Variants in ANGPT1 observed in about 807,000 individuals in gnomAD.
The protein encoded by ANGPT1 is angiopoietin-1.
Under a neutral mutation model 62.2 loss-of-function variants are expected in ANGPT1, and 17 were observed. That is an observed-to-expected ratio of 0.27 (90% CI 0.19 to 0.41). The LOEUF is 0.41. Among genes scored for constraint, ANGPT1 ranks in the 10% least tolerant of loss-of-function variants. The probability of loss-of-function intolerance (pLI) is 1.00; values close to 1 mark genes in which losing one functional copy is unlikely to be tolerated. For synonymous variants in ANGPT1, 199 were observed against 198.9 expected (o/e 1.00, Z 0.00); for missense variants, 478 against 594.9 (o/e 0.80, Z 2.04).
chr8:107,452,553 C>T (rs72674327), intron 1 of ANGPT1, among the ~76,000 whole-genome samples: 1 of 151,360 alleles, frequency 6.6e-6, no homozygotes, highest in African/African-American at 2.4e-5. Context: ...TTTATTGTTA[C>T]ATTAATCAAT....
At chr8:107,267,693 T>A (rs907345566) in intron 7 of ANGPT1, among the ~76,000 whole-genome samples, 2 of 152,106 alleles carry the variant, frequency 1.3e-5, no homozygotes, top group African/African-American at 4.8e-5. Context: ...CGGTTGTTCC[T>A]CCAAAATTCA....
intron 1 of ANGPT1, among the ~76,000 whole-genome samples, chr8:107,373,002 A>G (rs1054092311): frequency 2.6e-5 from 4 of 152,106 alleles, no homozygotes; most frequent in Admixed American, 2.6e-4. Flanking sequence ...TTAAAATGTG[A>G]TTTACCTTAT....
chr8:107,267,752 T>C (rs1207534222), intron 7 of ANGPT1, among the ~76,000 whole-genome samples: 2 of 152,142 alleles, frequency 1.3e-5, no homozygotes, highest in East Asian at 3.9e-4. Flanking sequence ...CTTTGAAGTC[T>C]AGTCCTTTAC....
At chr8:107,276,627 T>G (rs1244130759) in intron 7 of ANGPT1, among the ~76,000 whole-genome samples, 1 of 21,746 alleles carries the variant, frequency 4.6e-5, no homozygotes, top group African/African-American at 2.1e-4. Context: ...CTTTAATGAT[T>G]TAAAAAAAAA....
intron 2 of ANGPT1, among the ~76,000 whole-genome samples, chr8:107,340,596 G>C (rs1815673066): frequency 1.3e-5 from 2 of 151,840 alleles, no homozygotes; most frequent in South Asian, 4.1e-4. Context: ...CTGGAATGCA[G>C]TGGCATGACC....
At chr8:107,309,978 C>A (rs1453686116) in intron 4 of ANGPT1, among the ~76,000 whole-genome samples, 1 of 152,010 alleles carries the variant, frequency 6.6e-6, no homozygotes, top group Non-Finnish European at 1.5e-5. Context: ...GTCCCTCTAA[C>A]CCTGGAATAA....
At chr8:107,400,724 T>C (rs948449860) in intron 1 of ANGPT1, among the ~76,000 whole-genome samples, 3 of 152,026 alleles carry the variant, frequency 2.0e-5, no homozygotes, top group Non-Finnish European at 4.4e-5. Context: ...TACACCTGGC[T>C]AATTTCTGTA....
At chr8:107,375,129 C>T (rs1464893425) in intron 1 of ANGPT1, among the ~76,000 whole-genome samples, 3 of 151,696 alleles carry the variant, frequency 2.0e-5, no homozygotes, top group Non-Finnish European at 4.4e-5. Context: ...CACTGCACTC[C>T]AGCCTGGTGA....
intron 1 of ANGPT1, among the ~76,000 whole-genome samples, chr8:107,472,547 T>A (rs1312519775): frequency 6.6e-6 from 1 of 152,014 alleles, no homozygotes; most frequent in Non-Finnish European, 1.5e-5. Flanking sequence ...GAAAAATATT[T>A]AAAAATAAGA....
intron 2 of ANGPT1, among the ~76,000 whole-genome samples, chr8:107,345,653 A>C (rs942508026): frequency 6.6e-6 from 1 of 152,162 alleles, no homozygotes; most frequent in African/African-American, 2.4e-5. Context: ...TGTTCTAATA[A>C]AATAAAATAA....
At chr8:107,295,095 C>T (rs1292358305) in intron 5 of ANGPT1, 1 of 152,192 alleles carries the variant, frequency 6.6e-6, no homozygotes, top group East Asian at 1.9e-4. Flanking sequence ...GGTATAAAAG[C>T]AGTGGCAAGA....
rs984735192 is a variant in ANGPT1 at position 107,251,095 on chromosome 8, G to C, written c.*760C>G. On this transcript the variant is annotated 3_prime_UTR_variant, in exon 9 of 9. Coordinates refer to ENST00000517746, the MANE Select transcript of ANGPT1 (RefSeq NM_001146.5). ...GAGTAAATGAAAACCATAGTATGGG[G>C]GTGGTAAGTTTTCACCACATACATC... 1 of 151,798 alleles carries C rather than the reference G, an allele frequency of 6.6e-6. No homozygotes were observed. Among genetic ancestry groups the C allele is most frequent in the African/African-American group, 2.4e-5 (1 of 41,322 alleles). 9.4% of individuals were successfully genotyped at this position (151,798 alleles called of 1,614,324 possible). A position where few individuals can be genotyped will look rare whatever the true frequency, so the allele number is the denominator to read the frequency against.
At chr8:107,391,811 T>C (rs952305910) in intron 1 of ANGPT1, among the ~76,000 whole-genome samples, 17 of 152,226 alleles carry the variant, frequency 1.1e-4, no homozygotes, top group Non-Finnish European at 2.5e-4. Context: ...CACATGTTAG[T>C]ACACTGAATA....
At chr8:107,282,904 A>G (rs1488712874) in intron 7 of ANGPT1, among the ~76,000 whole-genome samples, 4 of 151,608 alleles carry the variant, frequency 2.6e-5, no homozygotes, top group Non-Finnish European at 5.9e-5. Context: ...CACATCATAC[A>G]CTCCGAAGTG....
intron 7 of ANGPT1, among the ~76,000 whole-genome samples, chr8:107,273,534 A>T (rs938326230): frequency 2.0e-5 from 3 of 151,970 alleles, no homozygotes; most frequent in Non-Finnish European, 4.4e-5. Flanking sequence ...CCTGCATACA[A>T]GATGTCCTCT....
chr8:107,479,142 T>A (rs972852245), intron 1 of ANGPT1, among the ~76,000 whole-genome samples: 1 of 150,996 alleles, frequency 6.6e-6, no homozygotes, highest in Admixed American at 6.6e-5. Context: ...TCTTCCAGAT[T>A]TTTTTTTTGT....
intron 1 of ANGPT1, among the ~76,000 whole-genome samples, chr8:107,432,512 A>C (rs1811216315): frequency 6.6e-6 from 1 of 152,096 alleles, no homozygotes; most frequent in Admixed American, 6.5e-5. Flanking sequence ...AAAATACAAA[A>C]AATTAGCCAC....
chr8:107,284,422 C>T (rs1287431560), intron 7 of ANGPT1: 2 of 236,392 alleles, frequency 8.5e-6, no homozygotes, highest in Non-Finnish European at 1.6e-5. Context: ...AACCACAGAA[C>T]AACAGTATGC....
At chr8:107,333,957 AAAAGAAAGAAAGAAAGGAGGG>A (rs1815487632) in intron 3 of ANGPT1, among the ~76,000 whole-genome samples, 1 of 128,838 alleles carries the variant, frequency 7.8e-6, no homozygotes, top group African/African-American at 3.0e-5. Flanking sequence ...AGAAAGAAAG[AAAAGAAAGAAAGAAAGGAGGG>A]AGGGAGGGAG....
Sources: allele counts gnomAD v4.1 joint callset (sites outside exome capture counted in the v4.1 genomes callset), GRCh38; gene constraint gnomAD v4.1.1; transcripts MANE v1.5; gene names NCBI Gene and HGNC (gene_info 2026-07-23, HGNC 2026-07-21).